The following ANHX variants were observed in gnomAD, a reference collection of about 807,000 sequenced individuals.
The protein encoded by ANHX is anomalous homeobox protein.
In ANHX, 20 loss-of-function variants were observed where a neutral mutation model predicts 38.9. The ratio of observed to expected loss-of-function variants is 0.51; its 90% CI spans 0.36 to 0.75. The LOEUF (loss-of-function observed/expected upper bound fraction) is 0.75. ANHX is among the 30% of genes least tolerant of loss of function. The pLI, the probability that ANHX is intolerant of heterozygous loss-of-function variation, is 0.00. For missense variants in ANHX, 475 were observed against 493.1 expected (o/e 0.96, Z 0.35); for synonymous variants, 185 against 203.1 (o/e 0.91, Z 0.76).
rs767683934 is a variant in ANHX at position 133,218,857 on chromosome 12, G to A, written c.*28C>T. On this transcript the variant is annotated 3_prime_UTR_variant, in exon 10 of 10. Coordinates refer to ENST00000545940, the MANE Select transcript of ANHX (RefSeq NM_001372060.1). The stretch of plus-strand genomic sequence containing the variant: ...CAGACCATCCACACCCGCTCCTCCT[G>A]GGGTGCTGTCTGGCTCCTGGGGATA... 2.7e-6 allele frequency: 4 copies of A among 1,470,424 alleles called. No homozygotes were observed. The highest frequency in any genetic ancestry group is 3.6e-6 in the Non-Finnish European group (4 of 1,106,170). The allele number at this position is 1,470,424 out of a possible 1,614,324, so 91.1% of individuals were successfully genotyped here.
chr12:133,218,875 T>C lies in ANHX; in HGVS notation c.*10A>G. 1.3e-6 allele frequency: 2 copies of C among 1,499,476 alleles called. No individual in the cohort carries two copies. Among genetic ancestry groups the C allele is most frequent in the Non-Finnish European group, 1.8e-6 (2 of 1,124,016 alleles). 92.9% of individuals were successfully genotyped at this position (1,499,476 alleles called of 1,614,324 possible). ...TCCTCCTGGGGTGCTGTCTGGCTCCTGGGGATAGCTCAGCCCAGGCTGCTC... is the reference window on the plus strand; with the variant it reads ...TCCTCCTGGGGTGCTGTCTGGCTCCCGGGGATAGCTCAGCCCAGGCTGCTC... On this transcript the variant is annotated 3_prime_UTR_variant, in exon 10 of 10. Transcript: ENST00000545940.
In ANHX at chr12:133,227,144, C is replaced by T. The variant is rs769252642; in HGVS notation, c.510G>A (p.Leu170=). Residue 170 remains leucine (L), a synonymous_variant, in exon 5 of 10, where the codon TTG becomes TTA. Transcript: ENST00000545940. Reference sequence around the variant, plus strand: ...CAGGGGTCAAGCTCGTCTCCAATGCCAAGTTCTCCTGCCCCCAAACAACAA... The same window carrying T: ...CAGGGGTCAAGCTCGTCTCCAATGCTAAGTTCTCCTGCCCCCAAACAACAA... ...TNPSKAEREN[L]ALETSLTPEQ... 1.7e-4 allele frequency: 260 copies of T among 1,534,198 alleles called. No individual in the cohort carries two copies. Among genetic ancestry groups the T allele is most frequent in the Non-Finnish European group, 2.1e-4 (245 of 1,145,756 alleles).
At chr12:133,230,543 C>T (rs1957255104) in intron 3 of ANHX, among the ~76,000 whole-genome samples, 1 of 152,142 alleles carries the variant, frequency 6.6e-6, no homozygotes, top group African/African-American at 2.4e-5. Context: ...GTGGAGAGCA[C>T]CTGAGATGAA....
chr12:133,227,086 G>A lies in ANHX; in HGVS notation c.568C>T (p.Arg190Cys), dbSNP rs1252401614. Residue 190 changes from arginine (R) to cysteine (C), a missense_variant, in exon 5 of 10, where the codon CGC becomes TGC. Transcript: ENST00000545940. ...TGCTGGGGAAGGGCTCTTTGGCGGC[G>A]CCGGTAATTGGCAAACCAGTTGTAC... ...QVYNWFANYR[R>C]RQRALPQHMK... 8.5e-6 allele frequency: 13 copies of A among 1,535,948 alleles called. No individual in the cohort carries two copies. Among genetic ancestry groups the A allele is most frequent in the South Asian group, 1.2e-5 (1 of 84,060 alleles).
chr12:133,224,702 A>C (rs906946887), intron 7 of ANHX, among the ~76,000 whole-genome samples: 1 of 145,570 alleles, frequency 6.9e-6, no homozygotes, highest in Non-Finnish European at 1.5e-5. Context: ...GTGGTGGCTC[A>C]CGCCTGTAAT....
chr12:133,232,511 G>C (rs1046893528), intron 2 of ANHX, among the ~76,000 whole-genome samples: 1 of 152,122 alleles, frequency 6.6e-6, no homozygotes, highest in Non-Finnish European at 1.5e-5. Context: ...CTCAGCACGC[G>C]GCCTTCAGGG....
chr12:133,234,122 A>C lies in ANHX; in HGVS notation c.235T>G (p.Cys79Gly), dbSNP rs1489908882. 9 of 1,535,596 alleles carry C rather than the reference A, an allele frequency of 5.9e-6. No individual in the cohort carries two copies. The highest frequency in any genetic ancestry group is 2.0e-5 in the Admixed American group (1 of 50,976). ...CCCAGGCCTACCTCCAGGAGGCGGC[A>C]AGCCGCCTGCTGCTGCTCCTGCTGG... Reference protein sequence around the residue: ...LDQQEQQQAACRLLEGCQVPG... With the variant: ...LDQQEQQQAAGRLLEGCQVPG... Residue 79 changes from cysteine to glycine, a missense_variant, in exon 2 of 10, where the codon TGC becomes GGC. Cys to Gly is a radical substitution (Grantham distance 159). Transcript: ENST00000545940.
At chr12:133,235,717 CCCCCG>C (rs1957368795) in intron 1 of ANHX, 85 bp downstream of exon 1, 1 of 117,332 alleles carries the variant, frequency 8.5e-6, no homozygotes, top group Non-Finnish European at 1.9e-5. Context: ...CCCTCTGGGA[CCCCCG>C]CCCCCGCGCC....
intron 9 of ANHX, 77 bp from the exon 10 acceptor site, chr12:133,219,048 T>C (rs2135545110): frequency 2.2e-6 from 3 of 1,374,798 alleles, no homozygotes; most frequent in Non-Finnish European, 3.0e-6. Context: ...GGGCACCTCC[T>C]GACCTTGGGA....
At position 133,226,335 on chromosome 12, in the gene ANHX, T is replaced by C. The variant is rs1482485801; in HGVS notation, c.822A>G (p.Ser274=). ...APDFPADETV[S]KPLDVRSLPG... ...GACAGTACCTGACATCCAGTGGCTTTGAGACTGTCTCATCTGCGGGAAAGT... is the reference window on the plus strand; with the variant it reads ...GACAGTACCTGACATCCAGTGGCTTCGAGACTGTCTCATCTGCGGGAAAGT... Residue 274 remains serine, a synonymous_variant, in exon 6 of 10, where the codon TCA becomes TCG. Coordinates refer to ENST00000545940, the MANE Select transcript of ANHX (RefSeq NM_001372060.1). The C allele has an allele frequency of 6.5e-7, 1 of 1,536,266 alleles. No homozygotes were observed. Among genetic ancestry groups the C allele is most frequent in the Non-Finnish European group, 8.7e-7 (1 of 1,146,910 alleles).
In ANHX at chr12:133,227,065, G is replaced by T. The variant is rs1374891602; in HGVS notation, c.589C>A (p.Gln197Lys). Residue 197 changes from glutamine (Q) to lysine (K), a missense_variant, in exon 5 of 10, where the codon CAG (glutamine) becomes AAG (lysine). Coordinates refer to ENST00000545940, the MANE Select transcript of ANHX (RefSeq NM_001372060.1). ...NYRRRQRALP[Q>K]HMKPAQQATA... ...GCCTGCTGGGCTGGCTTCATGTGCT[G>T]GGGAAGGGCTCTTTGGCGGCGCCGG... The T allele has an allele frequency of 5.9e-6, 9 of 1,535,942 alleles. No homozygotes were observed. The highest frequency in any genetic ancestry group is 7.8e-6 in the Non-Finnish European group (9 of 1,146,876).
chr12:133,226,581 G>A, intron 5 of ANHX, 143 bp from the exon 6 acceptor site: 2 of 1,261,080 alleles, frequency 1.6e-6, no homozygotes, highest in Non-Finnish European at 2.1e-6. Flanking sequence ...TCCTGTCTTT[G>A]GTGTGAACCA....
chr12:133,219,119 C>A, intron 9 of ANHX, 148 bp from the exon 10 acceptor site: 1 of 1,009,248 alleles, frequency 9.9e-7, no homozygotes, highest in Non-Finnish European at 1.5e-6. Flanking sequence ...TCCCTCACCC[C>A]AGCTCCCAGT....
rs1957197378 is a variant in ANHX, at chr12:133,226,947, G to C, written c.707C>G (p.Pro236Arg). ...CTCAGGCCACTCACCTGACCACTGA[G>C]GCCTGTCCACAAACCCAGAGTCAAC... ...PRVDSGFVDR[P>R]QWSEEREEKG... is the part of the protein sequence containing the mutation. Residue 236 changes from proline (P) to arginine (R), a missense_variant, in exon 5 of 10, where the codon CCT becomes CGT. Coordinates refer to ENST00000545940, the MANE Select transcript of ANHX (RefSeq NM_001372060.1). 6.5e-7 allele frequency: 1 copy of C among 1,528,076 alleles called. No individual in the cohort carries two copies. The highest frequency in any genetic ancestry group is 8.8e-7 in the Non-Finnish European group (1 of 1,142,272). The allele number at this position is 1,528,076 out of a possible 1,614,324, so 94.7% of individuals were successfully genotyped here.
At chr12:133,220,169 A>T (rs986719706) in intron 8 of ANHX, among the ~76,000 whole-genome samples, 1 of 152,116 alleles carries the variant, frequency 6.6e-6, no homozygotes, top group Non-Finnish European at 1.5e-5. Flanking sequence ...TGAAAGTCAC[A>T]CTGAGAAAAT....
intron 3 of ANHX, among the ~76,000 whole-genome samples, chr12:133,228,994 C>T (rs983343814): frequency 2.6e-5 from 4 of 152,182 alleles, no homozygotes; most frequent in Non-Finnish European, 5.9e-5. Context: ...CTCAGCTCTC[C>T]TCTTAACTGG....
rs1253054559 is a variant in ANHX, at chr12:133,225,550, T to G, written c.1118A>C (p.Asp373Ala). Residue 373 changes from aspartate to alanine, a missense_variant, in exon 7 of 10, where the codon GAT becomes GCT. Coordinates refer to ENST00000545940, the MANE Select transcript of ANHX (RefSeq NM_001372060.1). ...AGTGGACCCACCTGTAGGGCTGGGATCTCCAAGGGTGGCAATGGACACAGC... is the reference window on the plus strand; with the variant it reads ...AGTGGACCCACCTGTAGGGCTGGGAGCTCCAAGGGTGGCAATGGACACAGC... ...AVAVSIATLG[D>A]PSPTGFSGPP... 2.0e-5 allele frequency among the ~76,000 whole-genome samples: 3 copies of G among 152,180 alleles called. No individual in the cohort carries two copies. In the East Asian group the frequency reaches 5.8e-4, roughly 29 times the overall value.
intron 8 of ANHX, among the ~76,000 whole-genome samples, chr12:133,219,753 C>T (rs1353312715): frequency 6.6e-6 from 1 of 152,134 alleles, no homozygotes; most frequent in Non-Finnish European, 1.5e-5. Flanking sequence ...ATGGCCACGG[C>T]ACTCCTGGGC....
intron 7 of ANHX, among the ~76,000 whole-genome samples, chr12:133,224,404 G>A (rs562543541): frequency 9.8e-4 from 149 of 152,326 alleles, no homozygotes; most frequent in Non-Finnish European, 1.6e-3. Flanking sequence ...GCTCACGCCT[G>A]TAATCCCAGC....
Sources: gnomAD v4.1 joint callset for allele counts (sites outside exome capture counted in the v4.1 genomes callset) on GRCh38, gnomAD v4.1.1 for gene constraint, MANE v1.5 for transcripts, NCBI Gene and HGNC (gene_info 2026-07-23, HGNC 2026-07-21) for gene names.